The following SYCP2L variants were observed in gnomAD, a reference collection of about 807,000 sequenced individuals.
SYCP2L encodes synaptonemal complex protein 2-like.
In SYCP2L, 98 loss-of-function variants were observed where a neutral mutation model predicts 125.8. The ratio of observed to expected loss-of-function variants is 0.78; its 90% CI spans 0.66 to 0.92. SYCP2L has a LOEUF of 0.92. Among genes scored for constraint, SYCP2L ranks in the 40% least tolerant of loss-of-function variants. SYCP2L has a pLI of 0.00. For missense variants in SYCP2L, 842 were observed against 936.4 expected, an observed-to-expected ratio of 0.90 and a Z score of 1.32; for synonymous variants, 317 against 325.4, an observed-to-expected ratio of 0.97 and a Z score of 0.28.
rs146930414 is a variant in SYCP2L, at chr6:10,894,349, T to A, written c.336+145T>A. The A allele has an allele frequency of 2.7e-3, 2,945 of 1,099,760 alleles. 31 individuals are homozygous for A. Among genetic ancestry groups the A allele is most frequent in the Middle Eastern group, 0.013 (57 of 4,344 alleles). 68.1% of individuals were successfully genotyped at this position (1,099,760 alleles called of 1,614,324 possible). On this transcript the variant is annotated intron_variant, in intron 4 of 29. Coordinates refer to ENST00000283141, the MANE Select transcript of SYCP2L (RefSeq NM_001040274.3). ...GATATCCATTCTTATTGCTTCTGTC[T>A]AACCAAAAATTAAATTCGACATACA...
intron 23 of SYCP2L, among the ~76,000 whole-genome samples, chr6:10,946,828 A>T (rs1767759): frequency 0.34 from 52,134 of 151,606 alleles, 10,098 homozygotes; most frequent in Non-Finnish European, 0.45. Context: ...TACGTCTAAG[A>T]TAAACCTTTT....
chr6:10,912,611 T>A lies in SYCP2L; in HGVS notation c.919-62T>A, dbSNP rs1581823211. 8.2e-7 allele frequency: 1 copy of A among 1,218,932 alleles called. No homozygotes were observed. Among genetic ancestry groups the A allele is most frequent in the Non-Finnish European group, 1.2e-6 (1 of 838,454 alleles). 75.5% of individuals were successfully genotyped at this position (1,218,932 alleles called of 1,614,324 possible). ...AAATTCTATTTTCAAGGGAATAATG[T>A]TTATCTGACCCTATAGCATGATTTT... is the stretch of plus-strand genomic sequence containing the variant. On this transcript the variant is annotated intron_variant, in intron 12 of 29. Transcript: ENST00000283141. The surrounding 1 kb of genome is among the most constrained non-coding windows in gnomAD (Gnocchi z 4.1).
chr6:10,931,729 C>T (rs1296775862), intron 20 of SYCP2L, among the ~76,000 whole-genome samples: 1 of 152,098 alleles, frequency 6.6e-6, no homozygotes, highest in African/African-American at 2.4e-5. Context: ...CTTTGGGATG[C>T]CAAGGCGGGT....
intron 21 of SYCP2L, among the ~76,000 whole-genome samples, chr6:10,938,434 G>T (rs911849213): frequency 6.6e-6 from 1 of 152,110 alleles, no homozygotes; most frequent in Non-Finnish European, 1.5e-5. Flanking sequence ...TATATGACAA[G>T]CCCAGAGCTA....
In SYCP2L at chr6:10,910,178, A is replaced by C. The variant is rs1208636474; in HGVS notation, c.850A>C (p.Asn284His). The C allele has an allele frequency of 6.2e-7, 1 of 1,613,884 alleles. No homozygotes were observed. Among genetic ancestry groups the C allele is most frequent in the Non-Finnish European group, 8.5e-7 (1 of 1,179,932 alleles). The change falls in exon 11 of 30, where the codon AAC becomes CAC. Residue 284 changes from asparagine to histidine, a missense_variant. Asn to His is a moderately conservative substitution (Grantham distance 68). Transcript: ENST00000283141. The stretch of plus-strand genomic sequence containing the variant: ...TAGACGTTTTCTCAATCACCTAAAC[A>C]ACAGACTTGGTGACCAAAGAAGGTA... ...DSRRFLNHLN[N>H]RLGDQRRVYS...
rs183734680 is a variant in SYCP2L, at chr6:10,906,079, A to G, written c.676+25A>G. 29 of 1,471,038 alleles carry G rather than the reference A, an allele frequency of 2.0e-5. No individual in the cohort carries two copies. The Admixed American group carries it at 2.0e-4, about 10-fold the overall frequency. 91.1% of individuals were successfully genotyped at this position (1,471,038 alleles called of 1,614,324 possible). On this transcript the variant is annotated intron_variant, in intron 9 of 29. Transcript: ENST00000283141. The stretch of plus-strand genomic sequence containing the variant: ...GGTAAGAAATTTTAGAATTTTCAGT[A>G]TTAGAATATTAAATATTGGACACTG...
chr6:10,933,334 G>T (rs535358679), intron 20 of SYCP2L, among the ~76,000 whole-genome samples: 1 of 152,270 alleles, frequency 6.6e-6, no homozygotes, highest in African/African-American at 2.4e-5. Flanking sequence ...GGAAACACAT[G>T]GGTATGCTGT....
intron 12 of SYCP2L, among the ~76,000 whole-genome samples, chr6:10,911,126 A>G (rs995252388): frequency 3.3e-5 from 5 of 152,172 alleles, no homozygotes; most frequent in African/African-American, 9.7e-5. Flanking sequence ...ACATGAGCAC[A>G]GTTACAGGAA....
chr6:10,931,415 G>A (rs1332684971), intron 19 of SYCP2L, 25 bp from the exon 20 acceptor site: 5 of 1,613,626 alleles, frequency 3.1e-6, no homozygotes, highest in African/African-American at 1.3e-5. Context: ...TGTATATGTT[G>A]TGCACTTGTT....
chr6:10,906,569 A>T (rs978072940), intron 9 of SYCP2L, among the ~76,000 whole-genome samples: 2 of 151,766 alleles, frequency 1.3e-5, no homozygotes, highest in East Asian at 1.9e-4. Flanking sequence ...AAATACTACA[A>T]GTTATTTTGG....
intron 14 of SYCP2L, 118 bp from the exon 15 acceptor site, chr6:10,924,378 C>A: frequency 1.2e-6 from 1 of 841,686 alleles, no homozygotes; most frequent in Non-Finnish European, 1.7e-6. Context: ...TTCTTTTCAA[C>A]TTCTTAACAC....
Position 10,945,435 on chromosome 6 carries a change from T to A in SYCP2L, c.1954+2689T>A, listed in dbSNP as rs978738295. Among the ~76,000 whole-genome samples, 3 of 152,126 alleles carry A rather than the reference T, an allele frequency of 2.0e-5. No homozygotes were observed. In the East Asian group the frequency reaches 5.8e-4, roughly 29 times the overall value. The stretch of plus-strand genomic sequence containing the variant: ...TGGATTTGCTGGTTTTTTCTTCTGG[T>A]TCTGTTCAATTTTTGCTCCCTATAA... On this transcript the variant is annotated intron_variant, in intron 23 of 29. Transcript: ENST00000283141.
chr6:10,927,341 A>T lies in SYCP2L; in HGVS notation c.1414A>T (p.Ile472Phe). The T allele has an allele frequency of 6.2e-7, 1 of 1,613,816 alleles. No individual in the cohort carries two copies. The highest frequency in any genetic ancestry group is 8.5e-7 in the Non-Finnish European group (1 of 1,179,994). ...HLNDQSEPPV[I>F]GEPASDSHLQ... ...AAATGACCAATCTGAGCCACCTGTT[A>T]TTGGGGAACCTGCCTCTGATAGTCA... Residue 472 changes from isoleucine to phenylalanine, a missense_variant, in exon 17 of 30, where the codon ATT becomes TTT. By Grantham distance (21) the Ile-to-Phe change is conservative. Transcript: ENST00000283141.
chr6:10,907,084 C>G (rs1427244545), intron 9 of SYCP2L, among the ~76,000 whole-genome samples: 1 of 151,792 alleles, frequency 6.6e-6, no homozygotes, highest in African/African-American at 2.4e-5. Context: ...TGGCTCATGC[C>G]TACAATTCCG....
chr6:10,928,273 T>C (rs1780933672), intron 17 of SYCP2L, 130 bp from the exon 18 acceptor site: 4 of 513,342 alleles, frequency 7.8e-6, no homozygotes, highest in Non-Finnish European at 1.4e-5. Flanking sequence ...AAGTGATAAG[T>C]GTCCATGAAA....
At chr6:10,972,929 C>T (rs540143959) in intron 29 of SYCP2L, among the ~76,000 whole-genome samples, 31 of 152,238 alleles carry the variant, frequency 2.0e-4, no homozygotes, top group South Asian at 1.5e-3. Flanking sequence ...CATGGCTCAC[C>T]CTAGTTGCAA....
At chr6:10,928,093 C>A (rs1049391584) in intron 17 of SYCP2L, among the ~76,000 whole-genome samples, 3 of 152,084 alleles carry the variant, frequency 2.0e-5, no homozygotes, top group Non-Finnish European at 4.4e-5. Flanking sequence ...TTCAAACACA[C>A]ATGCTCTACA....
intron 23 of SYCP2L, among the ~76,000 whole-genome samples, chr6:10,948,850 C>T (rs1446283314): frequency 1.3e-5 from 2 of 152,134 alleles, no homozygotes; most frequent in African/African-American, 4.8e-5. Context: ...GTTATTATTT[C>T]AATTTCCTTA....
intron 4 of SYCP2L, among the ~76,000 whole-genome samples, chr6:10,895,049 A>T (rs1377918070): frequency 6.6e-6 from 1 of 151,984 alleles, no homozygotes; most frequent in Non-Finnish European, 1.5e-5. Context: ...GCTTTCCCAG[A>T]CTCCTCTCAG....
Sources: gnomAD v4.1 joint callset for allele counts (sites outside exome capture counted in the v4.1 genomes callset) on GRCh38, gnomAD v4.1.1 for gene constraint, Gnocchi (gnomAD v3.1) non-coding constraint, MANE v1.5 for transcripts, NCBI Gene and HGNC (gene_info 2026-07-23, HGNC 2026-07-21) for gene names.